The following DLGAP1 variants were observed in gnomAD, a reference collection of about 807,000 sequenced individuals.
The protein encoded by DLGAP1 is disks large-associated protein 1.
DLGAP1 carries 11 observed loss-of-function variants against 90.8 expected under a neutral mutation model. That is an observed-to-expected ratio of 0.12 (90% CI 0.08 to 0.20). The LOEUF (loss-of-function observed/expected upper bound fraction) is 0.20, where lower values mean the gene tolerates loss of function less well. Among genes scored for constraint, DLGAP1 ranks in the 10% least tolerant of loss-of-function variants. The probability of loss-of-function intolerance (pLI) is 1.00; values close to 1 mark genes in which losing one functional copy is unlikely to be tolerated. For missense variants in DLGAP1, 1,050 were observed against 1,333.8 expected (o/e 0.79, Z 3.31); for synonymous variants, 558 against 540.7 (o/e 1.03, Z -0.44).
intron 1 of DLGAP1, among the ~76,000 whole-genome samples, chr18:4,168,596 T>G (rs921421864): frequency 1.3e-5 from 2 of 152,132 alleles, no homozygotes; most frequent in African/African-American, 4.8e-5. Context: ...ATTCTACTTT[T>G]CGTTTCTATT....
intron 2 of DLGAP1, among the ~76,000 whole-genome samples, chr18:4,098,030 C>T (rs2075712823): frequency 6.6e-6 from 1 of 152,224 alleles, no homozygotes; most frequent in South Asian, 2.1e-4. Context: ...CCTCCCACCT[C>T]AGCCTTCTGA....
chr18:4,194,534 A>C (rs1418452721), intron 1 of DLGAP1, among the ~76,000 whole-genome samples: 1 of 152,202 alleles, frequency 6.6e-6, no homozygotes, highest in Non-Finnish European at 1.5e-5. Flanking sequence ...TTATATGTAT[A>C]ACTCTACATA....
intron 1 of DLGAP1, among the ~76,000 whole-genome samples, chr18:4,362,883 A>C (rs2081660123): frequency 6.6e-6 from 1 of 152,158 alleles, no homozygotes; most frequent in Non-Finnish European, 1.5e-5. Flanking sequence ...GGCTAAGAAC[A>C]GCAGGAGTCT....
At chr18:3,673,906 G>A (rs2060192562) in intron 7 of DLGAP1, among the ~76,000 whole-genome samples, 2 of 149,756 alleles carry the variant, frequency 1.3e-5, no homozygotes, top group East Asian at 2.0e-4. Context: ...GCAGTGGTGC[G>A]ATCTCAGCTC....
intron 7 of DLGAP1, among the ~76,000 whole-genome samples, chr18:3,715,475 A>G (rs2061731587): frequency 6.6e-6 from 1 of 152,174 alleles, no homozygotes; most frequent in Admixed American, 6.5e-5. Flanking sequence ...ACAGCTCACA[A>G]TGCAAGGTTT....
intron 5 of DLGAP1, among the ~76,000 whole-genome samples, chr18:3,758,952 C>T (rs1241619237): frequency 6.6e-6 from 1 of 152,118 alleles, no homozygotes; most frequent in East Asian, 1.9e-4. Flanking sequence ...ATTTCACCAA[C>T]CAATGTGCCC....
At chr18:4,448,540 C>A (rs1170872388) in intron 1 of DLGAP1, among the ~76,000 whole-genome samples, 1 of 152,108 alleles carries the variant, frequency 6.6e-6, no homozygotes, top group South Asian at 2.1e-4. Flanking sequence ...TTATTATGCA[C>A]CATAGTTTAT....
chr18:3,859,918 G>A (rs181042234), intron 4 of DLGAP1, among the ~76,000 whole-genome samples: 1 of 152,112 alleles, frequency 6.6e-6, no homozygotes, highest in East Asian at 1.9e-4. Flanking sequence ...GGCTAACATG[G>A]TGAAACCCGT....
chr18:4,208,495 G>C (rs2077768359), intron 1 of DLGAP1, among the ~76,000 whole-genome samples: 1 of 152,138 alleles, frequency 6.6e-6, no homozygotes, highest in Non-Finnish European at 1.5e-5. Flanking sequence ...GTGGAGTTGG[G>C]AACTCATTTT....
At chr18:3,710,669 C>G (rs1254526757) in intron 7 of DLGAP1, among the ~76,000 whole-genome samples, 1 of 152,180 alleles carries the variant, frequency 6.6e-6, no homozygotes, top group Non-Finnish European at 1.5e-5. Flanking sequence ...ATTGAGATGA[C>G]AAATACACAA....
chr18:3,869,447 G>A (rs1314110722), intron 4 of DLGAP1, among the ~76,000 whole-genome samples: 5 of 152,170 alleles, frequency 3.3e-5, no homozygotes, highest in Admixed American at 6.5e-5. Flanking sequence ...TCCCAGCTAC[G>A]CTGAAGGGTG....
intron 1 of DLGAP1, among the ~76,000 whole-genome samples, chr18:4,448,277 T>C (rs1177298028): frequency 1.3e-5 from 2 of 152,210 alleles, no homozygotes; most frequent in Non-Finnish European, 2.9e-5. Flanking sequence ...AATTATTTCC[T>C]ACATTTTAAT....
At chr18:4,126,302 A>G (rs1309105777) in intron 2 of DLGAP1, among the ~76,000 whole-genome samples, 6 of 152,230 alleles carry the variant, frequency 3.9e-5, no homozygotes, top group African/African-American at 1.2e-4. Context: ...AGATAGCAAT[A>G]GTCAACTCAG....
chr18:3,747,114 T>C lies in DLGAP1; in HGVS notation c.1173-4602A>G, dbSNP rs555303413. Among the ~76,000 whole-genome samples the C allele has an allele frequency of 3.0e-4, 45 of 152,264 alleles. 2 individuals carry two copies. The South Asian group carries it at 9.3e-3, about 32-fold the overall frequency. On this transcript the variant is annotated intron_variant, in intron 5 of 12. Coordinates refer to ENST00000315677, the MANE Select transcript of DLGAP1 (RefSeq NM_004746.4). ...GGCTCACACCTGTAATCCTAGCACT[T>C]TGGGAGGTCTACGTGGAAGGAACTC...
chr18:3,525,241 T>C (rs1473273878), intron 10 of DLGAP1, among the ~76,000 whole-genome samples: 1 of 152,180 alleles, frequency 6.6e-6, no homozygotes, highest in East Asian at 1.9e-4. Flanking sequence ...TCTTGACTTA[T>C]ATCAGCCACG....
chr18:4,255,213 C>T (rs1168050742), intron 1 of DLGAP1, among the ~76,000 whole-genome samples: 1 of 152,166 alleles, frequency 6.6e-6, no homozygotes. Context: ...CCATGACTTA[C>T]TGAACTACTT....
chr18:3,896,012 C>T (rs927741864), intron 3 of DLGAP1: 5 of 152,202 alleles, frequency 3.3e-5, no homozygotes, highest in Non-Finnish European at 7.3e-5. Context: ...CGGTAAGCTA[C>T]AGAATTATCT....
chr18:3,748,249 T>C (rs2063352760), intron 5 of DLGAP1, among the ~76,000 whole-genome samples: 1 of 152,248 alleles, frequency 6.6e-6, no homozygotes, highest in South Asian at 2.1e-4. Context: ...TAGGTGACAG[T>C]GAGCCAACCA....
chr18:3,901,764 A>G lies in DLGAP1; in HGVS notation c.-72-21624T>C, dbSNP rs77606969. Among the ~76,000 whole-genome samples, 1,264 of 152,264 alleles carry G rather than the reference A, an allele frequency of 8.3e-3. 17 individuals carry two copies. Among genetic ancestry groups the G allele is most frequent in the African/African-American group, 0.029 (1,208 of 41,548 alleles). ...CAAATGGGTTATTACATTAGTTCTG[A>G]GCAATGAGAGGGAAGCAATCCATAC... On this transcript the variant is annotated intron_variant, in intron 3 of 12. Coordinates refer to ENST00000315677, the MANE Select transcript of DLGAP1 (RefSeq NM_004746.4).
Sources: gnomAD v4.1 joint callset for allele counts (sites outside exome capture counted in the v4.1 genomes callset) on GRCh38, gnomAD v4.1.1 for gene constraint, MANE v1.5 for transcripts, NCBI Gene and HGNC (gene_info 2026-07-23, HGNC 2026-07-21) for gene names.